Variants in SORCS2 observed in about 807,000 individuals in gnomAD.
SORCS2 encodes the protein VPS10 domain-containing receptor SorCS2.
In SORCS2, 100 loss-of-function variants were observed where a neutral mutation model predicts 141.6. The ratio of observed to expected loss-of-function variants is 0.71; its 90% CI spans 0.60 to 0.83. SORCS2 has a LOEUF of 0.83. SORCS2 is among the 40% of genes least tolerant of loss of function. SORCS2 has a pLI of 0.00. For missense variants in SORCS2, 1,646 were observed against 1,560.2 expected (o/e 1.05, Z -0.93); for synonymous variants, 789 against 676.9 (o/e 1.17, Z -2.57).
At chr4:7,643,903 G>T (rs1440378721) in intron 4 of SORCS2, among the ~76,000 whole-genome samples, 1 of 152,152 alleles carries the variant, frequency 6.6e-6, no homozygotes, top group Non-Finnish European at 1.5e-5. Context: ...CCTCAGACTT[G>T]AGAACAGGGA....
At position 7,193,556 on chromosome 4, in the gene SORCS2, C is replaced by T. The variant is rs1269931797; in HGVS notation, c.480+430C>T. ...TTTGGGCTCCGGGATCCTTCCCTCC[C>T]TGGTCTACCAGGGACTCCGCGGTGG... On this transcript the variant is annotated intron_variant, in intron 1 of 26. Transcript: ENST00000507866. This position sits in a 1 kb window ranked among gnomAD's most constrained non-coding sequence, Gnocchi z 4.8. Among the ~76,000 whole-genome samples, 1 of 152,190 alleles carries T rather than the reference C, an allele frequency of 6.6e-6. No individual in the cohort carries two copies. The highest frequency in any genetic ancestry group is 6.5e-5 in the Admixed American group (1 of 15,288).
intron 2 of SORCS2, among the ~76,000 whole-genome samples, chr4:7,416,194 G>A (rs1725654836): frequency 6.6e-6 from 1 of 152,146 alleles, no homozygotes; most frequent in Non-Finnish European, 1.5e-5. Flanking sequence ...ATTTCAGTAA[G>A]TTAGGCTTGT....
intron 1 of SORCS2, among the ~76,000 whole-genome samples, chr4:7,216,332 C>T (rs1405906336): frequency 6.6e-6 from 1 of 152,206 alleles, no homozygotes; most frequent in African/African-American, 2.4e-5. Context: ...CACCTGGGGT[C>T]TTCAGTGGTA....
intron 11 of SORCS2, among the ~76,000 whole-genome samples, chr4:7,692,049 T>G (rs1229654519): frequency 6.6e-6 from 1 of 152,160 alleles, no homozygotes; most frequent in Non-Finnish European, 1.5e-5. Context: ...TCCACTTCTA[T>G]TCAGTCTTGG....
chr4:7,327,701 C>T (rs950177900), intron 1 of SORCS2, among the ~76,000 whole-genome samples: 4 of 152,208 alleles, frequency 2.6e-5, no homozygotes, highest in Non-Finnish European at 4.4e-5. Context: ...TTGTGCAGAC[C>T]CGTCAGACCC....
intron 3 of SORCS2, among the ~76,000 whole-genome samples, chr4:7,620,034 CT>C (rs1719056768): frequency 6.6e-6 from 1 of 150,398 alleles, no homozygotes; most frequent in Non-Finnish European, 1.5e-5. Context: ...CCTCCTCCTC[CT>C]TCCTCCTCCT....
At chr4:7,734,166 G>A in intron 24 of SORCS2, 106 bp from the exon 25 acceptor site, 2 of 774,872 alleles carry the variant, frequency 2.6e-6, no homozygotes, top group Non-Finnish European at 4.2e-6. Flanking sequence ...CTGGGGATGG[G>A]CGGGGGACAG....
At position 7,729,715 on chromosome 4, in the gene SORCS2, A is replaced by C; in HGVS notation, c.3108+3A>C. On this transcript the variant is annotated splice_donor_region_variant and intron_variant, in intron 23 of 26. Coordinates refer to ENST00000507866, the MANE Select transcript of SORCS2 (RefSeq NM_020777.3). ...AGAGGAGCCTCTCGAGTGATAAGGTATGTCCTGTGGCCGCTGCACTCCCAG... is the reference window on the plus strand; with the variant it reads ...AGAGGAGCCTCTCGAGTGATAAGGTCTGTCCTGTGGCCGCTGCACTCCCAG... 6.2e-7 allele frequency: 1 copy of C among 1,610,752 alleles called. No homozygotes were observed. Among genetic ancestry groups the C allele is most frequent in the Non-Finnish European group, 8.5e-7 (1 of 1,178,582 alleles).
intron 3 of SORCS2, among the ~76,000 whole-genome samples, chr4:7,587,587 T>G (rs1218470302): frequency 1.3e-5 from 2 of 152,334 alleles, no homozygotes; most frequent in East Asian, 3.9e-4. Flanking sequence ...GAAAGGCCCA[T>G]GGGGTTTCCA....
chr4:7,698,412 G>A (rs980951902), intron 12 of SORCS2, among the ~76,000 whole-genome samples: 65 of 152,290 alleles, frequency 4.3e-4, no homozygotes, highest in African/African-American at 1.4e-3. Context: ...TTAAAAATAT[G>A]CAAGAAACAT....
rs183945983 is a variant in SORCS2 at position 7,720,756 on chromosome 4, T to C, written c.2424+2573T>C. 6.6e-5 allele frequency among the ~76,000 whole-genome samples: 10 copies of C among 152,254 alleles called. No homozygotes were observed. In the East Asian group the frequency reaches 1.9e-3, roughly 29 times the overall value. On this transcript the variant is annotated intron_variant, in intron 18 of 26. Transcript: ENST00000507866. ...GCACACGAAAAGATGACAAACGCCA[T>C]CAGCCGCCAGGGAAGCCCACAGCCA...
intron 1 of SORCS2, among the ~76,000 whole-genome samples, chr4:7,253,366 A>C (rs6855623): frequency 0.85 from 129,805 of 151,868 alleles, 55,666 homozygotes; most frequent in African/African-American, 0.92. Context: ...CCTCTGGTCC[A>C]TTGCCTATGA....
At chr4:7,352,266 A>G (rs1720987321) in intron 1 of SORCS2, among the ~76,000 whole-genome samples, 1 of 152,232 alleles carries the variant, frequency 6.6e-6, no homozygotes, top group African/African-American at 2.4e-5. Context: ...AGTGCTAAGA[A>G]CTGAGGTGCC....
At chr4:7,217,287 C>T (rs1728420656) in intron 1 of SORCS2, among the ~76,000 whole-genome samples, 1 of 152,230 alleles carries the variant, frequency 6.6e-6, no homozygotes, top group African/African-American at 2.4e-5. Flanking sequence ...GACCCCGCAG[C>T]TTGCTGGTGC....
intron 1 of SORCS2, among the ~76,000 whole-genome samples, chr4:7,343,002 G>T (rs916276937): frequency 6.6e-6 from 1 of 152,176 alleles, no homozygotes; most frequent in Non-Finnish European, 1.5e-5. Flanking sequence ...GGTGGCTGCA[G>T]ACAGGCCTGG....
chr4:7,643,559 G>A (rs970792994), intron 4 of SORCS2, among the ~76,000 whole-genome samples: 26 of 152,196 alleles, frequency 1.7e-4, no homozygotes, highest in African/African-American at 5.6e-4. Flanking sequence ...GGGCAATCAG[G>A]GAAGACTTCC....
chr4:7,226,822 CG>C (rs1333654701), intron 1 of SORCS2, among the ~76,000 whole-genome samples: 2 of 152,210 alleles, frequency 1.3e-5, no homozygotes, highest in East Asian at 1.9e-4. Context: ...CAAGCACCGC[CG>C]GGAAGCACCA....
At chr4:7,534,810 C>G (rs1051682990) in intron 3 of SORCS2, among the ~76,000 whole-genome samples, 7 of 152,254 alleles carry the variant, frequency 4.6e-5, no homozygotes, top group African/African-American at 1.4e-4. Flanking sequence ...AGCTTTGTGC[C>G]CTCCATGGCC....
chr4:7,244,572 C>A (rs1451182227), intron 1 of SORCS2, among the ~76,000 whole-genome samples: 2 of 152,204 alleles, frequency 1.3e-5, no homozygotes, highest in Non-Finnish European at 2.9e-5. Context: ...GTGAAGCAGG[C>A]GTGGTGTGGG....
Sources: allele counts gnomAD v4.1 joint callset (sites outside exome capture counted in the v4.1 genomes callset), GRCh38; gene constraint gnomAD v4.1.1; non-coding constraint Gnocchi (gnomAD v3.1); transcripts MANE v1.5; gene names NCBI Gene and HGNC (gene_info 2026-07-23, HGNC 2026-07-21).